The following GRM3 variants were observed in gnomAD, a reference collection of about 807,000 sequenced individuals.
The protein encoded by GRM3 is metabotropic glutamate receptor 3.
Under a neutral mutation model 70.5 loss-of-function variants are expected in GRM3, and 26 were observed. The ratio of observed to expected loss-of-function variants is 0.37; its 90% CI spans 0.27 to 0.51. The LOEUF (loss-of-function observed/expected upper bound fraction) is 0.51, where lower values mean the gene tolerates loss of function less well. Ranked by LOEUF, GRM3 falls within the 20% of genes least tolerant of loss-of-function variation. The pLI, the probability that GRM3 is intolerant of heterozygous loss-of-function variation, is 0.93. For synonymous variants in GRM3, 443 were observed against 434.9 expected (o/e 1.02, Z -0.23); for missense variants, 859 against 1,123.8 (o/e 0.76, Z 3.37).
intron 1 of GRM3, among the ~76,000 whole-genome samples, chr7:86,746,311 A>G (rs1374256200): frequency 1.5e-5 from 2 of 134,536 alleles, no homozygotes; most frequent in African/African-American, 5.7e-5. Flanking sequence ...ACAAAACTCA[A>G]TATATGACTA....
At chr7:86,679,564 C>A (rs985595583) in intron 1 of GRM3, among the ~76,000 whole-genome samples, 7 of 151,040 alleles carry the variant, frequency 4.6e-5, no homozygotes, top group African/African-American at 1.7e-4. Context: ...TAAACACAGC[C>A]AACGTTTTCA....
At chr7:86,841,366 TAA>T (rs1285044149) in intron 4 of GRM3, among the ~76,000 whole-genome samples, 4 of 152,122 alleles carry the variant, frequency 2.6e-5, no homozygotes, top group Non-Finnish European at 5.9e-5. Flanking sequence ...TGGAAAATTT[TAA>T]AAAGAGGAAA....
chr7:86,765,255 G>T lies in GRM3; in HGVS notation c.110G>T (p.Gly37Val). The stretch of plus-strand genomic sequence containing the variant: ...CTAAGGAGAGAGATTAAAATAGAAG[G>T]TGACCTTGTTTTAGGGGGCCTGTTT... The part of the protein sequence containing the change: ...NFLRREIKIE[G>V]DLVLGGLFPI... Residue 37 changes from glycine to valine, a missense_variant, in exon 2 of 6, where the codon GGT becomes GTT. Gly to Val is a moderately radical substitution (Grantham distance 109). Transcript: ENST00000361669. The T allele has an allele frequency of 6.2e-7, 1 of 1,613,818 alleles. No homozygotes were observed. Among genetic ancestry groups the T allele is most frequent in the Non-Finnish European group, 8.5e-7 (1 of 1,179,838 alleles).
chr7:86,838,849 C>T lies in GRM3; in HGVS notation c.1335C>T (p.Asn445=). ...CTTTACATATCACAGCTCCATTCAACCCAAATAAAGATGCAGATAGCATAG... is the reference window on the plus strand; with the variant it reads ...CTTTACATATCACAGCTCCATTCAATCCAAATAAAGATGCAGATAGCATAG... ...LLKINFTAPF[N]PNKDADSIVK... The change falls in exon 4 of 6, where the codon AAC becomes AAT. Residue 445 remains asparagine (N), a synonymous_variant. Coordinates refer to ENST00000361669, the MANE Select transcript of GRM3 (RefSeq NM_000840.3). The T allele has an allele frequency of 6.3e-7, 1 of 1,599,994 alleles. No homozygotes were observed. Among genetic ancestry groups the T allele is most frequent in the Non-Finnish European group, 8.5e-7 (1 of 1,169,772 alleles).
At chr7:86,794,707 C>T (rs1797507545) in intron 3 of GRM3, among the ~76,000 whole-genome samples, 1 of 152,128 alleles carries the variant, frequency 6.6e-6, no homozygotes, top group African/African-American at 2.4e-5. Flanking sequence ...TATGTTTCTT[C>T]CCTGAACCCC....
At chr7:86,729,580 C>A (rs1795676590) in intron 1 of GRM3, among the ~76,000 whole-genome samples, 2 of 152,040 alleles carry the variant, frequency 1.3e-5, no homozygotes, top group African/African-American at 4.8e-5. Flanking sequence ...TCACTTATGG[C>A]TTATGTATTG....
intron 1 of GRM3, among the ~76,000 whole-genome samples, chr7:86,729,145 T>C (rs1795661690): frequency 6.6e-6 from 1 of 152,176 alleles, no homozygotes; most frequent in Non-Finnish European, 1.5e-5. Context: ...AGTTGAAGAA[T>C]GCTGATGACC....
chr7:86,671,832 T>C (rs1794180287), intron 1 of GRM3, among the ~76,000 whole-genome samples: 2 of 152,190 alleles, frequency 1.3e-5, no homozygotes, highest in Admixed American at 6.6e-5. Context: ...ACCATACTTC[T>C]ACTGGGACCC....
intron 1 of GRM3, among the ~76,000 whole-genome samples, chr7:86,753,622 C>G (rs911065905): frequency 6.6e-6 from 1 of 151,936 alleles, no homozygotes; most frequent in Non-Finnish European, 1.5e-5. Context: ...TTAAAATGCT[C>G]GCTGTGATTT....
intron 2 of GRM3, among the ~76,000 whole-genome samples, chr7:86,765,996 G>A (rs558477357): frequency 1.3e-5 from 2 of 152,230 alleles, no homozygotes; most frequent in South Asian, 4.2e-4. Context: ...TCTAGCCCAG[G>A]AATGTTCTCT....
At chr7:86,743,786 G>C (rs189298084) in intron 1 of GRM3, among the ~76,000 whole-genome samples, 161 of 152,264 alleles carry the variant, frequency 1.1e-3, no homozygotes, top group Admixed American at 1.7e-3. Flanking sequence ...GGCTAGAAAA[G>C]AGTGTTCAGC....
rs556359533 is a variant in GRM3 at position 86,736,915 on chromosome 7, T to G, written c.-140-28091T>G. Reference sequence around the variant, plus strand: ...TGCAGATGTGTGTTTCCTTAAAATTTAACCCATATCTAATGAGATTCTCCA... The same window carrying G: ...TGCAGATGTGTGTTTCCTTAAAATTGAACCCATATCTAATGAGATTCTCCA... On this transcript the variant is annotated intron_variant, in intron 1 of 5. Coordinates refer to ENST00000361669, the MANE Select transcript of GRM3 (RefSeq NM_000840.3). Among the ~76,000 whole-genome samples the G allele has an allele frequency of 4.6e-5, 7 of 152,220 alleles. No homozygotes were observed. The South Asian group carries it at 1.2e-3, about 27-fold the overall frequency.
chr7:86,755,471 T>A (rs1182443064), intron 1 of GRM3, among the ~76,000 whole-genome samples: 2 of 151,488 alleles, frequency 1.3e-5, no homozygotes, highest in Non-Finnish European at 1.5e-5. Context: ...AATATGGGGG[T>A]TAAGGATGGG....
intron 1 of GRM3, among the ~76,000 whole-genome samples, chr7:86,749,656 A>T (rs938628878): frequency 3.7e-4 from 57 of 152,078 alleles, no homozygotes; most frequent in African/African-American, 1.3e-3. Flanking sequence ...AACTGAAATG[A>T]AGCATGTATA....
At chr7:86,801,107 G>T (rs899127324) in intron 3 of GRM3, among the ~76,000 whole-genome samples, 2 of 100,198 alleles carry the variant, frequency 2.0e-5, no homozygotes, top group African/African-American at 4.2e-5. Context: ...GTCTTGCCCT[G>T]CCACCCCAAC....
intron 1 of GRM3, among the ~76,000 whole-genome samples, chr7:86,661,511 G>A (rs1393957052): frequency 1.3e-5 from 2 of 151,910 alleles, no homozygotes; most frequent in Non-Finnish European, 2.9e-5. Context: ...ACTTATTAAT[G>A]ATCCTGTGCT....
At chr7:86,768,746 T>C (rs1450677973) in intron 2 of GRM3, among the ~76,000 whole-genome samples, 1 of 152,044 alleles carries the variant, frequency 6.6e-6, no homozygotes, top group Non-Finnish European at 1.5e-5. Context: ...CTCCATTCCC[T>C]CCTCCATGGC....
chr7:86,743,604 A>T (rs1796038141), intron 1 of GRM3, among the ~76,000 whole-genome samples: 1 of 152,178 alleles, frequency 6.6e-6, no homozygotes, highest in Admixed American at 6.5e-5. Context: ...TGTGAGATTG[A>T]CAATATAGGT....
intron 1 of GRM3, among the ~76,000 whole-genome samples, chr7:86,651,415 C>A (rs965772743): frequency 6.6e-6 from 1 of 152,126 alleles, no homozygotes; most frequent in Admixed American, 6.5e-5. Flanking sequence ...TGAACCATGT[C>A]TTGGTGAATA....
Sources: allele counts gnomAD v4.1 joint callset (sites outside exome capture counted in the v4.1 genomes callset), GRCh38; gene constraint gnomAD v4.1.1; transcripts MANE v1.5; gene names NCBI Gene and HGNC (gene_info 2026-07-23, HGNC 2026-07-21).